ADAM12: variants seen among roughly 807,000 people sequenced by gnomAD.
ADAM12 encodes the protein ADAM metallopeptidase domain 12.
Under a neutral mutation model 106.4 loss-of-function variants are expected in ADAM12, and 70 were observed. The observed-to-expected ratio is 0.66, with a 90% CI of 0.54 to 0.80. The LOEUF (loss-of-function observed/expected upper bound fraction) is 0.80, where lower values mean the gene tolerates loss of function less well. Among genes scored for constraint, ADAM12 ranks in the 30% least tolerant of loss-of-function variants. The pLI, the probability that ADAM12 is intolerant of heterozygous loss-of-function variation, is 0.00. For synonymous variants in ADAM12, 420 were observed against 433.5 expected (o/e 0.97, Z 0.39); for missense variants, 1,010 against 1,171.9 (o/e 0.86, Z 2.02).
chr10:126,135,063 G>A (rs1334647239), intron 5 of ADAM12, among the ~76,000 whole-genome samples: 2 of 152,230 alleles, frequency 1.3e-5, no homozygotes, highest in Non-Finnish European at 2.9e-5. Context: ...AGCATGGGAA[G>A]GTAATTGTTT....
At chr10:126,231,238 G>A (rs2133868889) in intron 3 of ADAM12, among the ~76,000 whole-genome samples, 1 of 152,262 alleles carries the variant, frequency 6.6e-6, no homozygotes, top group African/African-American at 2.4e-5. Context: ...ATTATTTAAA[G>A]TTTGCGAGAA....
intron 1 of ADAM12, among the ~76,000 whole-genome samples, chr10:126,360,016 G>T (rs994130025): frequency 1.3e-5 from 2 of 152,180 alleles, no homozygotes; most frequent in African/African-American, 4.8e-5. Flanking sequence ...CATGGAAGAT[G>T]CCAAGGTTTG....
At chr10:126,227,771 A>G (rs1958227134) in intron 3 of ADAM12, among the ~76,000 whole-genome samples, 1 of 152,112 alleles carries the variant, frequency 6.6e-6, no homozygotes, top group Admixed American at 6.6e-5. Context: ...ACCCCACTGA[A>G]CAATCCTTCT....
At chr10:126,099,386 C>T (rs1955617062) in intron 9 of ADAM12, among the ~76,000 whole-genome samples, 1 of 151,392 alleles carries the variant, frequency 6.6e-6, no homozygotes, top group Admixed American at 6.6e-5. Context: ...CTCTCCCTCC[C>T]TCTCTCCCTC....
At chr10:126,020,252 G>A (rs1038485183) in intron 21 of ADAM12, among the ~76,000 whole-genome samples, 1 of 152,218 alleles carries the variant, frequency 6.6e-6, no homozygotes, top group African/African-American at 2.4e-5. Flanking sequence ...TCATCTGTGG[G>A]TGGATGAGAC....
At position 126,049,679 on chromosome 10, in the gene ADAM12, A is replaced by C. The variant is rs1954424643; in HGVS notation, c.1610-10T>G. The C allele has an allele frequency of 6.2e-7, 1 of 1,611,056 alleles. No homozygotes were observed. The highest frequency in any genetic ancestry group is 8.5e-7 in the Non-Finnish European group (1 of 1,178,368). On this transcript the variant is annotated splice_polypyrimidine_tract_variant and intron_variant, in intron 14 of 22. Coordinates refer to ENST00000448723, the MANE Select transcript of ADAM12 (RefSeq NM_001288973.2). The surrounding 1 kb of genome is among the most constrained non-coding windows in gnomAD (Gnocchi z 4.4). ...GGGGCAGGTTTAGCACCTGAAACAG[A>C]AGCAGAACTGCATTTTCATCTCCTG...
At chr10:126,156,174 C>T (rs555477503) in intron 3 of ADAM12, among the ~76,000 whole-genome samples, 19 of 152,266 alleles carry the variant, frequency 1.2e-4, no homozygotes, top group African/African-American at 2.6e-4. Context: ...GATGACACCA[C>T]GAGCTGGTAG....
At chr10:126,178,851 A>C (rs1435220837) in intron 3 of ADAM12, among the ~76,000 whole-genome samples, 1 of 152,168 alleles carries the variant, frequency 6.6e-6, no homozygotes, top group African/African-American at 2.4e-5. Context: ...GTTCAAGACC[A>C]GCCTGGCCAA....
At chr10:126,220,021 C>G (rs140540086) in intron 3 of ADAM12, among the ~76,000 whole-genome samples, 32 of 152,240 alleles carry the variant, frequency 2.1e-4, no homozygotes, top group African/African-American at 7.7e-4. Flanking sequence ...AGCTCCTCGC[C>G]GTACCAAGTA....
intron 3 of ADAM12, among the ~76,000 whole-genome samples, chr10:126,254,876 G>C (rs147696708): frequency 6.6e-6 from 1 of 152,184 alleles, no homozygotes; most frequent in Admixed American, 6.5e-5. Flanking sequence ...CCATTAAAAC[G>C]TCATCTCTCT....
chr10:126,088,986 G>T (rs1311669861), intron 11 of ADAM12, among the ~76,000 whole-genome samples: 1 of 152,080 alleles, frequency 6.6e-6, no homozygotes, highest in Non-Finnish European at 1.5e-5. Flanking sequence ...GAGAGCAGGG[G>T]GTAACCCTCA....
At position 126,082,363 on chromosome 10, in the gene ADAM12, G is replaced by GTTTTTTTTT. The variant is rs5788763; in HGVS notation, c.1146-10718_1146-10710dup. 1.0e-3 allele frequency among the ~76,000 whole-genome samples: 82 copies of GTTTTTTTTT among 80,776 alleles called. 10 individuals carry two copies. The highest frequency in any genetic ancestry group is 2.1e-3 in the African/African-American group (40 of 18,716). The allele number at this position is 80,776 out of a possible 152,430, so 53.0% of individuals were successfully genotyped here. A position where few individuals can be genotyped will look rare whatever the true frequency, so the allele number is the denominator to read the frequency against. On this transcript the variant is annotated intron_variant, in intron 11 of 22. Transcript: ENST00000448723. Reference sequence around the variant, plus strand: ...CTCTGGAGAAGACAATCTAATGACTGTTTTTTTTTTTTTTTTTTTTTTTTA... The same window carrying GTTTTTTTTT: ...CTCTGGAGAAGACAATCTAATGACTGTTTTTTTTTTTTTTTTTTTTTTTTTTTTTTTTTA...
At chr10:126,113,050 C>G (rs561672687) in intron 6 of ADAM12, among the ~76,000 whole-genome samples, 1 of 152,262 alleles carries the variant, frequency 6.6e-6, no homozygotes, top group African/African-American at 2.4e-5. Flanking sequence ...AGGAAATAAA[C>G]AGGGTTCTGC....
chr10:126,203,861 C>T (rs1349089282), intron 3 of ADAM12, among the ~76,000 whole-genome samples: 2 of 152,010 alleles, frequency 1.3e-5, no homozygotes, highest in African/African-American at 4.8e-5. Flanking sequence ...GGACTTCACC[C>T]TCTGTGGTGG....
At chr10:126,327,437 A>G (rs1788971752) in intron 2 of ADAM12, among the ~76,000 whole-genome samples, 1 of 151,616 alleles carries the variant, frequency 6.6e-6, no homozygotes, top group African/African-American at 2.4e-5. Context: ...TGGACTTGCC[A>G]TGGCCATCAG....
intron 2 of ADAM12, among the ~76,000 whole-genome samples, chr10:126,288,922 G>C (rs981935309): frequency 6.6e-6 from 1 of 151,670 alleles, no homozygotes; most frequent in African/African-American, 2.4e-5. Context: ...ATGATGGCCT[G>C]GGGACAGGAC....
chr10:126,376,311 A>G (rs184781540), intron 1 of ADAM12, among the ~76,000 whole-genome samples: 37 of 152,296 alleles, frequency 2.4e-4, no homozygotes, highest in African/African-American at 8.9e-4. Flanking sequence ...AAAATAAGTA[A>G]CATTCATATA....
At chr10:126,125,932 C>G (rs2133647930) in intron 5 of ADAM12, among the ~76,000 whole-genome samples, 1 of 151,736 alleles carries the variant, frequency 6.6e-6, no homozygotes, top group South Asian at 2.1e-4. Flanking sequence ...GCAGGGATGG[C>G]CAGAAGCCAC....
At chr10:126,355,558 T>C (rs1268784002) in intron 1 of ADAM12, among the ~76,000 whole-genome samples, 1 of 152,212 alleles carries the variant, frequency 6.6e-6, no homozygotes, top group Non-Finnish European at 1.5e-5. Context: ...TGGTCTCACT[T>C]TGACCACACT....
Sources: gnomAD v4.1 joint callset for allele counts (sites outside exome capture counted in the v4.1 genomes callset) on GRCh38, gnomAD v4.1.1 for gene constraint, Gnocchi (gnomAD v3.1) non-coding constraint, MANE v1.5 for transcripts, NCBI Gene and HGNC (gene_info 2026-07-23, HGNC 2026-07-21) for gene names.